FBXL7: variants seen among roughly 807,000 people sequenced by gnomAD.
The protein encoded by FBXL7 is F-box and leucine rich repeat protein 7.
In FBXL7, 12 loss-of-function variants were observed where a neutral mutation model predicts 38.3. The ratio of observed to expected loss-of-function variants is 0.31; its 90% CI spans 0.20 to 0.51. FBXL7 has a LOEUF of 0.51. Among genes scored for constraint, FBXL7 ranks in the 20% least tolerant of loss-of-function variants. The probability of loss-of-function intolerance (pLI) is 0.98; values close to 1 mark genes in which losing one functional copy is unlikely to be tolerated. For synonymous variants in FBXL7, 297 were observed against 300.9 expected (o/e 0.99, Z 0.13); for missense variants, 567 against 676.4 (o/e 0.84, Z 1.79).
chr5:15,894,625 A>G lies in FBXL7; in HGVS notation c.128-33265A>G, dbSNP rs73752369. Among the ~76,000 whole-genome samples the G allele has an allele frequency of 7.1e-3, 1,086 of 152,328 alleles. 20 individuals carry two copies. The highest frequency in any genetic ancestry group is 0.024 in the African/African-American group (1,014 of 41,576). ...TTTAGATGAGGTTTTACTGATGTCT[A>G]TGGGAGTTACCTAAAAGATTCCTTC... is the stretch of plus-strand genomic sequence containing the variant. On this transcript the variant is annotated intron_variant, in intron 2 of 3. Transcript: ENST00000504595.
chr5:15,725,935 GTTGTTTTATCCA>G (rs1744337261), intron 2 of FBXL7, among the ~76,000 whole-genome samples: 1 of 152,080 alleles, frequency 6.6e-6, no homozygotes, highest in Non-Finnish European at 1.5e-5. Flanking sequence ...ATCCTGTCTG[GTTGTTTTATCCA>G]TTATTGAGAG....
chr5:15,707,131 TACATTAAAAATATGTCAA>T lies in FBXL7; in HGVS notation c.127+91060_127+91077del, dbSNP rs1221810433. On this transcript the variant is annotated intron_variant, in intron 2 of 3. Transcript: ENST00000504595. Reference sequence around the variant, plus strand: ...TATCATCTATTAGTTAATATTTTGCTACATTAAAAATATGTCAAGGTAGTGTTTCTTTTTTTCTTTTCG... The same window carrying T: ...TATCATCTATTAGTTAATATTTTGCTGGTAGTGTTTCTTTTTTTCTTTTCG... Among the ~76,000 whole-genome samples, 20 of 149,126 alleles carry T rather than the reference TACATTAAAAATATGTCAA, an allele frequency of 1.3e-4. No individual in the cohort carries two copies. In the East Asian group the frequency reaches 4.0e-3, roughly 30 times the overall value.
chr5:15,602,960 A>C (rs1739850843), intron 1 of FBXL7, among the ~76,000 whole-genome samples: 1 of 151,982 alleles, frequency 6.6e-6, no homozygotes, highest in African/African-American at 2.4e-5. Flanking sequence ...CAACCTCCCA[A>C]CTAGCTAGGA....
chr5:15,594,486 C>T (rs1046174356), intron 1 of FBXL7, among the ~76,000 whole-genome samples: 2 of 152,188 alleles, frequency 1.3e-5, no homozygotes, highest in Admixed American at 1.3e-4. Flanking sequence ...TCTCACCAGA[C>T]AGTCTGAATT....
At chr5:15,796,578 G>C (rs1466855501) in intron 2 of FBXL7, among the ~76,000 whole-genome samples, 1 of 152,144 alleles carries the variant, frequency 6.6e-6, no homozygotes, top group Non-Finnish European at 1.5e-5. Flanking sequence ...TAAAATCCTG[G>C]GTACAGACAC....
intron 2 of FBXL7, among the ~76,000 whole-genome samples, chr5:15,854,188 G>A (rs1019337562): frequency 5.3e-5 from 8 of 152,166 alleles, no homozygotes; most frequent in Non-Finnish European, 1.2e-4. Flanking sequence ...ACAACCATCT[G>A]TTAGTAATTT....
At chr5:15,584,074 C>A (rs80016637) in intron 1 of FBXL7, among the ~76,000 whole-genome samples, 1 of 152,092 alleles carries the variant, frequency 6.6e-6, no homozygotes, top group Non-Finnish European at 1.5e-5. Flanking sequence ...GTACCTTGAC[C>A]CCTTTTAACC....
At chr5:15,833,438 A>C (rs997314400) in intron 2 of FBXL7, among the ~76,000 whole-genome samples, 1 of 152,218 alleles carries the variant, frequency 6.6e-6, no homozygotes, top group African/African-American at 2.4e-5. Context: ...GTATTAGATT[A>C]GTGAAATTTC....
intron 2 of FBXL7, among the ~76,000 whole-genome samples, chr5:15,666,189 T>C (rs895286723): frequency 6.6e-6 from 1 of 152,206 alleles, no homozygotes; most frequent in Non-Finnish European, 1.5e-5. Flanking sequence ...CTTGTTTTTA[T>C]TATTATTTTT....
At chr5:15,895,672 C>G (rs1418404135) in intron 2 of FBXL7, among the ~76,000 whole-genome samples, 2 of 118,002 alleles carry the variant, frequency 1.7e-5, no homozygotes, top group African/African-American at 6.7e-5. Flanking sequence ...GATGGAGTCT[C>G]GCTCTGTTGC....
intron 2 of FBXL7, among the ~76,000 whole-genome samples, chr5:15,745,053 C>A (rs1314003240): frequency 6.6e-6 from 1 of 151,986 alleles, no homozygotes; most frequent in Non-Finnish European, 1.5e-5. Context: ...GGGACATAGC[C>A]AAACTATATC....
intron 2 of FBXL7, among the ~76,000 whole-genome samples, chr5:15,755,974 A>G (rs1224865201): frequency 6.6e-6 from 1 of 152,176 alleles, no homozygotes; most frequent in Non-Finnish European, 1.5e-5. Flanking sequence ...AGACTTCCCT[A>G]CTGCCCTACT....
intron 2 of FBXL7, among the ~76,000 whole-genome samples, chr5:15,776,804 A>G (rs370650615): frequency 4.7e-4 from 71 of 152,284 alleles, no homozygotes; most frequent in African/African-American, 1.5e-3. Context: ...TTGTTTATAC[A>G]TAACAATGGA....
At chr5:15,850,163 A>C (rs1739049442) in intron 2 of FBXL7, among the ~76,000 whole-genome samples, 1 of 152,258 alleles carries the variant, frequency 6.6e-6, no homozygotes, top group African/African-American at 2.4e-5. Context: ...TTTAGTATAC[A>C]AAAACTTTAA....
chr5:15,859,547 C>G (rs1168086034), intron 2 of FBXL7, among the ~76,000 whole-genome samples: 1 of 152,170 alleles, frequency 6.6e-6, no homozygotes, highest in Non-Finnish European at 1.5e-5. Context: ...GTCTCACAAT[C>G]ATGGCAGAAG....
At chr5:15,516,184 A>T (rs1198989836) in intron 1 of FBXL7, among the ~76,000 whole-genome samples, 1 of 152,190 alleles carries the variant, frequency 6.6e-6, no homozygotes. Flanking sequence ...TGGCCAAACC[A>T]GGAAACTCAG....
intron 2 of FBXL7, among the ~76,000 whole-genome samples, chr5:15,729,400 C>A (rs17647898): frequency 0.053 from 8,044 of 152,174 alleles, 229 homozygotes; most frequent in East Asian, 0.085. Context: ...GGCCTATCAA[C>A]CCAATGACTT....
intron 2 of FBXL7, among the ~76,000 whole-genome samples, chr5:15,826,561 G>A (rs1478031566): frequency 1.3e-5 from 2 of 152,078 alleles, no homozygotes; most frequent in Non-Finnish European, 2.9e-5. Context: ...TGGGATTACA[G>A]GCACCTGCCA....
chr5:15,928,296 C>G lies in FBXL7; in HGVS notation c.534C>G (p.Cys178Trp). 3 of 1,613,408 alleles carry G rather than the reference C, an allele frequency of 1.9e-6. No homozygotes were observed. The highest frequency in any genetic ancestry group is 1.7e-6 in the Non-Finnish European group (2 of 1,179,630). Residue 178 changes from cysteine to tryptophan, a missense_variant, in exon 3 of 4, where the codon TGC (cysteine) becomes TGG (tryptophan). Cys to Trp is a radical substitution (Grantham distance 215). Coordinates refer to ENST00000504595, the MANE Select transcript of FBXL7 (RefSeq NM_012304.5). This position sits in a 1 kb window ranked among gnomAD's most constrained non-coding sequence, Gnocchi z 4.0. The part of the protein sequence containing the change: ...RALKVLTRRL[C>W]QDTPNVCLML... ...TCAAGGTGCTGACCCGCAGACTCTG[C>G]CAGGACACCCCCAACGTGTGTCTCA...
Sources: allele counts gnomAD v4.1 joint callset (sites outside exome capture counted in the v4.1 genomes callset), GRCh38; gene constraint gnomAD v4.1.1; non-coding constraint Gnocchi (gnomAD v3.1); transcripts MANE v1.5; gene names NCBI Gene and HGNC (gene_info 2026-07-23, HGNC 2026-07-21).